MAP4K1: variants seen among roughly 807,000 people sequenced by gnomAD.
MAP4K1 encodes MAPK/ERK kinase kinase kinase 1.
MAP4K1 carries 35 observed loss-of-function variants against 122.8 expected under a neutral mutation model. The ratio of observed to expected loss-of-function variants is 0.29; its 90% CI spans 0.22 to 0.38. The LOEUF (loss-of-function observed/expected upper bound fraction) is 0.38, where lower values mean the gene tolerates loss of function less well. Ranked by LOEUF, MAP4K1 falls within the 10% of genes least tolerant of loss-of-function variation. The pLI is 1.00. For synonymous variants in MAP4K1, 412 were observed against 421.3 expected (o/e 0.98, Z 0.27); for missense variants, 791 against 1,072.6 (o/e 0.74, Z 3.67).
chr19:38,596,262 C>T (rs1445657763), intron 26 of MAP4K1, 50 bp downstream of exon 26: 2 of 1,492,006 alleles, frequency 1.3e-6, no homozygotes, highest in Non-Finnish European at 1.8e-6. Flanking sequence ...CCAGCTCCGC[C>T]CCTCCGGATC....
intron 5 of MAP4K1, 39 bp from the exon 6 acceptor site, chr19:38,614,331 G>A (rs762244698): frequency 1.2e-6 from 2 of 1,614,192 alleles, no homozygotes; most frequent in East Asian, 2.2e-5. Context: ...TGAGTGTTTG[G>A]GGGCTGGAGT....
intron 13 of MAP4K1, 34 bp downstream of exon 13, chr19:38,609,562 C>T (rs1213655952): frequency 6.3e-7 from 1 of 1,592,894 alleles, no homozygotes; most frequent in African/African-American, 1.3e-5. Context: ...ATTATAGGGT[C>T]AGGTGTCCCC....
chr19:38,615,872 T>C (rs1187906157), intron 4 of MAP4K1, among the ~76,000 whole-genome samples: 1 of 151,184 alleles, frequency 6.6e-6, no homozygotes, highest in Non-Finnish European at 1.5e-5. Context: ...TTGGCCAAGC[T>C]GGTCTTGAAC....
chr19:38,603,394 A>G (rs545065987), intron 19 of MAP4K1, among the ~76,000 whole-genome samples: 1 of 149,700 alleles, frequency 6.7e-6, no homozygotes, highest in Non-Finnish European at 1.5e-5. Flanking sequence ...ATGTACATAT[A>G]TATGCATATA....
chr19:38,602,617 CACATAT>C (rs1364749332), intron 19 of MAP4K1, among the ~76,000 whole-genome samples: 2 of 147,132 alleles, frequency 1.4e-5, no homozygotes, highest in South Asian at 2.1e-4. Context: ...CATATATATA[CACATAT>C]ACATATATAT....
At chr19:38,595,580 C>T in intron 28 of MAP4K1, 25 bp from the exon 29 acceptor site, 1 of 1,614,058 alleles carries the variant, frequency 6.2e-7, no homozygotes, top group Non-Finnish European at 8.5e-7. Context: ...ATGCCCGTTA[C>T]CCTTGGGGAT....
chr19:38,605,604 G>T lies in MAP4K1; in HGVS notation c.1327C>A (p.Pro443Thr). ...GTGAGGTGGGGGCTGCTGGTGGATG[G>T]GGGAGGCCCAGGACGGGGGCTGTTT... ...PPNSPRPGPP[P>T]STSSPHLTAH... is the part of the protein sequence containing the mutation. The change falls in exon 18 of 31, where the codon CCA becomes ACA. Residue 443 changes from proline (P) to threonine (T), a missense_variant. Around this residue, in one of 4 missense-constraint regions of MAP4K1, gnomAD observed 303 missense variants for 344.8 expected, o/e 0.88. Coordinates refer to ENST00000396857, the MANE Select transcript of MAP4K1 (RefSeq NM_001042600.3). 1 of 1,562,392 alleles carries T rather than the reference G, an allele frequency of 6.4e-7. No individual in the cohort carries two copies. The highest frequency in any genetic ancestry group is 8.7e-7 in the Non-Finnish European group (1 of 1,155,528).
chr19:38,610,907 G>C, intron 11 of MAP4K1, 144 bp downstream of exon 11: 1 of 709,032 alleles, frequency 1.4e-6, no homozygotes, highest in Non-Finnish European at 2.5e-6. Flanking sequence ...TCTGGTGGTC[G>C]GGGGTGGTCC....
chr19:38,588,168 A>G (rs2145924218), intron 30 of MAP4K1, among the ~76,000 whole-genome samples: 1 of 152,172 alleles, frequency 6.6e-6, no homozygotes, highest in Middle Eastern at 3.4e-3. Flanking sequence ...GCCTGTGCAA[A>G]GGATTTGAGG....
At position 38,600,146 on chromosome 19, in the gene MAP4K1, G is replaced by A. The variant is rs1375105579; in HGVS notation, c.1539C>T (p.His513=). ...AWTHPSTKDQ[H]LLLGAEEGIF... is the part of the protein sequence containing the mutation. The stretch of plus-strand genomic sequence containing the variant: ...TGCCTTCCTCTGCCCCCAGGAGCAG[G>A]TGCTGGTCTGGAGGCACAGACAAGG... Residue 513 remains histidine, a synonymous_variant, in exon 21 of 31, where the codon CAC becomes CAT. Coordinates refer to ENST00000396857, the MANE Select transcript of MAP4K1 (RefSeq NM_001042600.3). 6.2e-7 allele frequency: 1 copy of A among 1,614,096 alleles called. No homozygotes were observed. The highest frequency in any genetic ancestry group is 1.1e-5 in the South Asian group (1 of 91,084).
At chr19:38,590,373 G>GAAAAAAAAAA (rs1164261721) in intron 30 of MAP4K1, among the ~76,000 whole-genome samples, 2 of 18,022 alleles carry the variant, frequency 1.1e-4, no homozygotes, top group Admixed American at 1.1e-3. Flanking sequence ...TCTTGGACCA[G>GAAAAAAAAAA]AAAAAAAAAA....
chr19:38,613,864 G>A lies in MAP4K1; in HGVS notation c.533+16C>T, dbSNP rs369884175. Reference sequence around the variant, plus strand: ...ACCCCCACTCCACCCCTAGCTGCCCGCTGGGCGCCACTCACCAGTAGGGTG... The same window carrying A: ...ACCCCCACTCCACCCCTAGCTGCCCACTGGGCGCCACTCACCAGTAGGGTG... On this transcript the variant is annotated intron_variant, in intron 8 of 30. Coordinates refer to ENST00000396857, the MANE Select transcript of MAP4K1 (RefSeq NM_001042600.3). 5.0e-5 allele frequency: 80 copies of A among 1,590,764 alleles called. No individual in the cohort carries two copies. In the African/African-American group the frequency reaches 6.0e-4, roughly 12 times the overall value.
rs1006891326 is a variant in MAP4K1, at chr19:38,616,078, G to A, written c.313+117C>T. ...GCTCAGCCCAGGAGTTTGAAATATG[G>A]CCCAGAAAGACAGTTCCTGTGAGAT... On this transcript the variant is annotated intron_variant, in intron 4 of 30. Transcript: ENST00000396857. The A allele has an allele frequency of 3.3e-5, 23 of 696,564 alleles. No individual in the cohort carries two copies. In the African/African-American group the frequency reaches 4.0e-4, roughly 12 times the overall value. 43.1% of individuals were successfully genotyped at this position (696,564 alleles called of 1,614,324 possible).
chr19:38,606,726 C>G (rs936910788), intron 16 of MAP4K1, among the ~76,000 whole-genome samples: 3 of 152,192 alleles, frequency 2.0e-5, no homozygotes, highest in Non-Finnish European at 2.9e-5. Context: ...AAAAAAAAGA[C>G]TAATAACAGT....
intron 22 of MAP4K1, among the ~76,000 whole-genome samples, chr19:38,598,979 C>T (rs1316734779): frequency 7.1e-6 from 1 of 141,192 alleles, no homozygotes; most frequent in African/African-American, 2.7e-5. Flanking sequence ...CGCCACTGCA[C>T]TCCAGTCTGG....
At chr19:38,598,591 C>T (rs1349326576) in intron 22 of MAP4K1, among the ~76,000 whole-genome samples, 1 of 152,160 alleles carries the variant, frequency 6.6e-6, no homozygotes, top group Non-Finnish European at 1.5e-5. Context: ...CTTGGCCTCT[C>T]AAAGTGCTGG....
Position 38,596,196 on chromosome 19 carries a change from G to A in MAP4K1, c.2116+116C>T, listed in dbSNP as rs1032879695. ...TAAAACCTGCCATTCTCCCTTCTCC[G>A]CCCTTCCAGCCCTTTCTCAGTCCCG... On this transcript the variant is annotated intron_variant, in intron 26 of 30. Transcript: ENST00000396857. The A allele has an allele frequency of 1.4e-5, 19 of 1,386,920 alleles. No homozygotes were observed. The African/African-American group carries it at 2.6e-4, about 19-fold the overall frequency. The allele number at this position is 1,386,920 out of a possible 1,614,324, so 85.9% of individuals were successfully genotyped here. A position where few individuals can be genotyped will look rare whatever the true frequency, so the allele number is the denominator to read the frequency against.
intron 4 of MAP4K1, among the ~76,000 whole-genome samples, chr19:38,615,661 G>T (rs1975627068): frequency 6.6e-6 from 1 of 152,070 alleles, no homozygotes; most frequent in African/African-American, 2.4e-5. Context: ...TTGGGCCTCA[G>T]TTTCCCTCCT....
At position 38,597,586 on chromosome 19, in the gene MAP4K1, G is replaced by C; in HGVS notation, c.1678C>G (p.Pro560Ala). The C allele has an allele frequency of 6.2e-7, 1 of 1,611,166 alleles. No individual in the cohort carries two copies. Among genetic ancestry groups the C allele is most frequent in the Non-Finnish European group, 8.5e-7 (1 of 1,178,618 alleles). The change falls in exon 23 of 31, where the codon CCC becomes GCC. Residue 560 changes from proline to alanine, a missense_variant. Transcript: ENST00000396857. The surrounding 1 kb of genome is among the most constrained non-coding windows in gnomAD (Gnocchi z 4.6). ...AGGATGCTATGAGAATACAGGTGGG[G>C]GGTCTTTCCTGCAGGGTGTGTGTAT... is the stretch of plus-strand genomic sequence containing the variant. ...NVLMSLSGKT[P>A]HLYSHSILGL...
Sources: gnomAD v4.1 joint callset for allele counts (sites outside exome capture counted in the v4.1 genomes callset) on GRCh38, gnomAD v4.1.1 for gene constraint, gnomAD v4.1.1 regional missense constraint, Gnocchi (gnomAD v3.1) non-coding constraint, MANE v1.5 for transcripts, NCBI Gene and HGNC (gene_info 2026-07-23, HGNC 2026-07-21) for gene names.